Variants in GIT2 observed in about 807,000 individuals in gnomAD.
GIT2 encodes the protein GIT ArfGAP 2.
A neutral mutation model predicts 100.3 loss-of-function variants in GIT2; 32 were observed. The ratio of observed to expected loss-of-function variants is 0.32; its 90% CI spans 0.24 to 0.43. The LOEUF (loss-of-function observed/expected upper bound fraction) is 0.43, where lower values mean the gene tolerates loss of function less well. GIT2 is among the 20% of genes least tolerant of loss of function. The pLI, the probability that GIT2 is intolerant of heterozygous loss-of-function variation, is 1.00. For synonymous variants in GIT2, 353 were observed against 364.1 expected (o/e 0.97, Z 0.35); for missense variants, 737 against 975.1 (o/e 0.76, Z 3.25).
At chr12:109,953,275 A>T (rs748261323) in intron 12 of GIT2, 41 bp from the exon 13 acceptor site, 1 of 1,599,982 alleles carries the variant, frequency 6.3e-7, no homozygotes, top group South Asian at 1.1e-5. Flanking sequence ...GGCTTAAAAC[A>T]TTGCTTTTCT....
At chr12:109,938,600 C>A in intron 17 of GIT2, 32 bp from the exon 18 acceptor site, 1 of 1,510,654 alleles carries the variant, frequency 6.6e-7, no homozygotes. Context: ...TTAAATACAG[C>A]AGGTGCTTAT....
At chr12:109,955,302 T>G (rs1469819638) in intron 12 of GIT2, among the ~76,000 whole-genome samples, 1 of 151,950 alleles carries the variant, frequency 6.6e-6, no homozygotes, top group African/African-American at 2.4e-5. Context: ...TTTTTTGTAT[T>G]TTTTTAGTAG....
rs983217153 is a variant in GIT2 at position 109,983,795 on chromosome 12, C to T, written c.406-101G>A. On this transcript the variant is annotated intron_variant, in intron 4 of 19. Coordinates refer to ENST00000355312, the MANE Select transcript of GIT2 (RefSeq NM_057169.5). ...ATTTTAATATATGTTACATCAGTAA[C>T]GCATAATCTTTATTTGTCTCGGTAA... 51 of 713,324 alleles carry T rather than the reference C, an allele frequency of 7.1e-5. 1 individual carries two copies. Among genetic ancestry groups the T allele is most frequent in the African/African-American group, 5.7e-4 (32 of 56,102 alleles). 44.2% of individuals were successfully genotyped at this position (713,324 alleles called of 1,614,324 possible). A position where few individuals can be genotyped will look rare whatever the true frequency, so the allele number is the denominator to read the frequency against.
chr12:109,962,614 C>A lies in GIT2; in HGVS notation c.817-929G>T, dbSNP rs1186711826. The stretch of plus-strand genomic sequence containing the variant: ...CTTCCTGGCCCAGATGAGGTTAAGC[C>A]TCTTCTGGGGTGGCTCCGCCTCTCT... On this transcript the variant is annotated intron_variant, in intron 9 of 19. Transcript: ENST00000355312. This position sits in a 1 kb window ranked among gnomAD's most constrained non-coding sequence, Gnocchi z 4.3. Among the ~76,000 whole-genome samples, 1 of 152,222 alleles carries A rather than the reference C, an allele frequency of 6.6e-6. No individual in the cohort carries two copies. Among genetic ancestry groups the A allele is most frequent in the East Asian group, 1.9e-4 (1 of 5,192 alleles).
intron 6 of GIT2, 167 bp from the exon 7 acceptor site, chr12:109,981,213 A>C: frequency 1.7e-6 from 1 of 580,852 alleles, no homozygotes. Context: ...TTTGCATCCC[A>C]CTTTTATAAA....
intron 4 of GIT2, among the ~76,000 whole-genome samples, chr12:109,984,007 C>T (rs972950937): frequency 1.3e-5 from 2 of 152,102 alleles, no homozygotes; most frequent in African/African-American, 2.4e-5. Context: ...GGTGACTATG[C>T]GTGGCTCTGA....
intron 18 of GIT2, among the ~76,000 whole-genome samples, chr12:109,937,378 G>C (rs775473021): frequency 1.3e-5 from 2 of 152,190 alleles, no homozygotes; most frequent in Admixed American, 1.3e-4. Context: ...CGTGCAAGGC[G>C]TGAAGAAAGT....
At chr12:109,986,139 A>G (rs1887337074) in intron 4 of GIT2, among the ~76,000 whole-genome samples, 1 of 152,024 alleles carries the variant, frequency 6.6e-6, no homozygotes, top group Non-Finnish European at 1.5e-5. Flanking sequence ...AGAACATCCT[A>G]CTAAAATTAT....
intron 1 of GIT2, among the ~76,000 whole-genome samples, chr12:109,995,548 C>T (rs190910241): frequency 6.6e-6 from 1 of 152,292 alleles, no homozygotes; most frequent in East Asian, 1.9e-4. Flanking sequence ...AAGTCACCAG[C>T]CCAAGGTCAG....
intron 7 of GIT2, among the ~76,000 whole-genome samples, chr12:109,972,764 GATTTTCAAATATTA>G (rs1238294966): frequency 6.6e-6 from 1 of 152,040 alleles, no homozygotes; most frequent in African/African-American, 2.4e-5. Context: ...CACCTGGCCT[GATTTTCAAATATTA>G]AATCAGTCTT....
At chr12:109,940,764 A>T (rs1713880484) in intron 16 of GIT2, among the ~76,000 whole-genome samples, 1 of 152,090 alleles carries the variant, frequency 6.6e-6, no homozygotes, top group Admixed American at 6.5e-5. Flanking sequence ...CCTGCAGTTC[A>T]GCTACTCGGG....
At chr12:109,999,828 G>A, upstream of GIT2, 1 of 1,475,280 alleles carries the variant, frequency 6.8e-7, no homozygotes, top group Non-Finnish European at 9.1e-7. This position sits in a 1 kb window ranked among gnomAD's most constrained non-coding sequence, Gnocchi z 4.3. Flanking sequence ...GGGACTTCGG[G>A]GAATCGGGGG....
intron 9 of GIT2, among the ~76,000 whole-genome samples, chr12:109,963,555 T>C (rs1881567291): frequency 6.6e-6 from 1 of 152,244 alleles, no homozygotes; most frequent in Non-Finnish European, 1.5e-5. Flanking sequence ...TTGCCTAAAG[T>C]CACAAAGCTA....
chr12:109,933,503 T>C lies in GIT2; in HGVS notation c.2068-313A>G. On this transcript the variant is annotated intron_variant, in intron 19 of 19. Transcript: ENST00000355312. The surrounding 1 kb of genome is among the most constrained non-coding windows in gnomAD (Gnocchi z 4.5). ...CCAGAAAATCCTATAAATTTTAAAA[T>C]GTGCCTTTTAGCACGACTTGTATAT... The C allele has an allele frequency of 3.5e-6, 1 of 288,040 alleles. No homozygotes were observed. The highest frequency in any genetic ancestry group is 6.5e-6 in the Non-Finnish European group (1 of 153,634). 17.8% of individuals were successfully genotyped at this position (288,040 alleles called of 1,614,324 possible). A position where few individuals can be genotyped will look rare whatever the true frequency, so the allele number is the denominator to read the frequency against.
At chr12:109,985,139 T>A (rs1887087613) in intron 4 of GIT2, among the ~76,000 whole-genome samples, 1 of 152,084 alleles carries the variant, frequency 6.6e-6, no homozygotes, top group African/African-American at 2.4e-5. Context: ...TTTAAATAGT[T>A]TTTTTGTTTT....
chr12:109,979,102 T>G, intron 7 of GIT2, among the ~76,000 whole-genome samples: 1 of 152,090 alleles, frequency 6.6e-6, no homozygotes, highest in East Asian at 1.9e-4. Flanking sequence ...CTCAGAGATT[T>G]AGGAACCTGT....
Position 109,991,735 on chromosome 12 carries a change from C to T in GIT2, c.78G>A (p.Arg26=). ...AGCACTCATCACATAAAAACGTTCC[C>T]CTATTTACTGATGCCCAGGAAGGAT... is the stretch of plus-strand genomic sequence containing the variant. ...GPDPSWASVN[R]GTFLCDECCS... The change falls in exon 2 of 20, where the codon AGG becomes AGA. Residue 26 remains arginine (R), a synonymous_variant. Transcript: ENST00000355312. The T allele has an allele frequency of 1.2e-6, 2 of 1,613,236 alleles. No homozygotes were observed. The highest frequency in any genetic ancestry group is 1.7e-6 in the Non-Finnish European group (2 of 1,179,424).
At chr12:109,975,388 T>C (rs1884807572) in intron 7 of GIT2, among the ~76,000 whole-genome samples, 1 of 151,986 alleles carries the variant, frequency 6.6e-6, no homozygotes, top group African/African-American at 2.4e-5. Flanking sequence ...ATAAAATTTT[T>C]TGTAGTGAAA....
At chr12:109,991,105 T>G (rs1401168440) in intron 2 of GIT2, among the ~76,000 whole-genome samples, 1 of 151,912 alleles carries the variant, frequency 6.6e-6, no homozygotes, top group Non-Finnish European at 1.5e-5. Context: ...AGTTCAGGAG[T>G]TCGAGACCAG....
Sources: gnomAD v4.1 joint callset for allele counts (sites outside exome capture counted in the v4.1 genomes callset) on GRCh38, gnomAD v4.1.1 for gene constraint, Gnocchi (gnomAD v3.1) non-coding constraint, MANE v1.5 for transcripts, NCBI Gene and HGNC (gene_info 2026-07-23, HGNC 2026-07-21) for gene names.